The following CAPZB variants were observed in gnomAD, a reference collection of about 807,000 sequenced individuals.
The protein encoded by CAPZB is capping actin protein of muscle Z-line subunit beta.
A neutral mutation model predicts 38.1 loss-of-function variants in CAPZB; 2 were observed. The observed-to-expected ratio is 0.05, with a 90% CI of 0.02 to 0.17. The LOEUF is 0.17. CAPZB is among the 10% of genes least tolerant of loss of function. CAPZB has a pLI of 1.00. For synonymous variants in CAPZB, 107 were observed against 127.4 expected (o/e 0.84, Z 1.08); for missense variants, 161 against 334.2 (o/e 0.48, Z 4.04).
intron 1 of CAPZB, among the ~76,000 whole-genome samples, chr1:19,439,850 C>T (rs1213550214): frequency 6.6e-6 from 1 of 152,230 alleles, no homozygotes; most frequent in Non-Finnish European, 1.5e-5. Context: ...CTCTTATTCC[C>T]GTGAGAGCAA....
intron 1 of CAPZB, among the ~76,000 whole-genome samples, chr1:19,426,382 G>C (rs891084503): frequency 6.6e-6 from 1 of 151,644 alleles, no homozygotes; most frequent in Admixed American, 6.6e-5. Flanking sequence ...ATAACAAGCA[G>C]TCCCATCCCA....
chr1:19,414,024 C>T (rs1282431953), intron 2 of CAPZB, among the ~76,000 whole-genome samples: 1 of 152,200 alleles, frequency 6.6e-6, no homozygotes, highest in Non-Finnish European at 1.5e-5. Context: ...TAGTATCATC[C>T]TTAACGTCAC....
chr1:19,454,034 A>G (rs1270535575), intron 1 of CAPZB, among the ~76,000 whole-genome samples: 4 of 152,186 alleles, frequency 2.6e-5, no homozygotes, highest in Non-Finnish European at 5.9e-5. Flanking sequence ...CTGGAGTTGT[A>G]GAAGGCTACA....
At chr1:19,480,455 A>G (rs1297625243) in intron 1 of CAPZB, among the ~76,000 whole-genome samples, 6 of 152,208 alleles carry the variant, frequency 3.9e-5, no homozygotes, top group Non-Finnish European at 8.8e-5. Context: ...TGCAGAGACC[A>G]TGTTCTGTGG....
chr1:19,361,927 C>T (rs1022876268), intron 4 of CAPZB, among the ~76,000 whole-genome samples: 5 of 152,192 alleles, frequency 3.3e-5, no homozygotes, highest in South Asian at 2.1e-4. Context: ...CCATCGCCAG[C>T]GACTCACTCT....
chr1:19,442,216 G>C (rs2094479784), intron 1 of CAPZB, among the ~76,000 whole-genome samples: 1 of 152,034 alleles, frequency 6.6e-6, no homozygotes, highest in African/African-American at 2.4e-5. Context: ...AAAAACAAAA[G>C]TCAGTGCTTA....
intron 8 of CAPZB, chr1:19,343,011 G>C (rs978555181): frequency 3.0e-6 from 2 of 658,162 alleles, no homozygotes; most frequent in African/African-American, 3.6e-5. Context: ...GTGTGGAGTG[G>C]TATCGCCGCT....
chr1:19,447,145 C>T (rs2094498787), intron 1 of CAPZB, among the ~76,000 whole-genome samples: 1 of 152,088 alleles, frequency 6.6e-6, no homozygotes. Context: ...CTCTCTCTTT[C>T]TTCTATCATC....
At chr1:19,457,690 T>C (rs1479822294) in intron 1 of CAPZB, among the ~76,000 whole-genome samples, 1 of 152,206 alleles carries the variant, frequency 6.6e-6, no homozygotes, top group African/African-American at 2.4e-5. Context: ...ATGCTCACAC[T>C]GCGGACGGTG....
At chr1:19,429,040 C>G (rs1425974414) in intron 1 of CAPZB, among the ~76,000 whole-genome samples, 3 of 152,194 alleles carry the variant, frequency 2.0e-5, no homozygotes, top group Non-Finnish European at 4.4e-5. Context: ...GTATTACCTG[C>G]TCTACATTTT....
At chr1:19,460,116 CA>C (rs1439259272) in intron 1 of CAPZB, among the ~76,000 whole-genome samples, 12 of 152,142 alleles carry the variant, frequency 7.9e-5, no homozygotes, top group Admixed American at 7.2e-4. Context: ...ACAGTAAGAA[CA>C]AACCTTCTAT....
chr1:19,483,339 T>C (rs1048533748), intron 1 of CAPZB, among the ~76,000 whole-genome samples: 1 of 152,240 alleles, frequency 6.6e-6, no homozygotes, highest in African/African-American at 2.4e-5. Context: ...CCAGATGGGC[T>C]TCCACTGACC....
chr1:19,401,429 GGAAA>G (rs1319852772), intron 2 of CAPZB, among the ~76,000 whole-genome samples: 1 of 152,218 alleles, frequency 6.6e-6, no homozygotes, highest in Non-Finnish European at 1.5e-5. Flanking sequence ...TCTCCGGAAT[GGAAA>G]GAATGTGGAA....
chr1:19,477,038 T>C (rs1371871789), intron 1 of CAPZB, among the ~76,000 whole-genome samples: 1 of 152,224 alleles, frequency 6.6e-6, no homozygotes, highest in Non-Finnish European at 1.5e-5. Flanking sequence ...GGTTTCCTTA[T>C]CTGCAAAATG....
intron 1 of CAPZB, chr1:19,448,697 G>T (rs938001878): frequency 2.6e-6 from 3 of 1,140,236 alleles, no homozygotes; most frequent in African/African-American, 3.1e-5. Flanking sequence ...ACATTTCCTG[G>T]GGGTAGACTG....
At position 19,359,070 on chromosome 1, in the gene CAPZB, C is replaced by A. The variant is rs560064562; in HGVS notation, c.330-1507G>T. Among the ~76,000 whole-genome samples, 188 of 152,294 alleles carry A rather than the reference C, an allele frequency of 1.2e-3. 1 individual carries two copies. The highest frequency in any genetic ancestry group is 4.3e-3 in the African/African-American group (179 of 41,580). ...GACAAAAACAATTAGGAAAAGTAGA[C>A]ACCTGCCAAACGGTTAATGTAAAAT... On this transcript the variant is annotated intron_variant, in intron 4 of 8. Transcript: ENST00000264202.
intron 2 of CAPZB, among the ~76,000 whole-genome samples, chr1:19,398,380 G>A (rs72651496): frequency 0.19 from 28,696 of 152,168 alleles, 3,253 homozygotes; most frequent in South Asian, 0.3. Context: ...TGAGTCAGAG[G>A]GCGGAGGTCT....
At chr1:19,451,564 T>C (rs1413135113) in intron 1 of CAPZB, among the ~76,000 whole-genome samples, 4 of 152,064 alleles carry the variant, frequency 2.6e-5, no homozygotes, top group African/African-American at 4.8e-5. Flanking sequence ...CCCACCTTAG[T>C]GATCTGACCC....
At chr1:19,372,381 T>C (rs2094123786) in intron 4 of CAPZB, among the ~76,000 whole-genome samples, 1 of 152,216 alleles carries the variant, frequency 6.6e-6, no homozygotes, top group Admixed American at 6.5e-5. Context: ...AAGAAGGCAG[T>C]GCCAGCCCTT....
Sources: gnomAD v4.1 joint callset for allele counts (sites outside exome capture counted in the v4.1 genomes callset) on GRCh38, gnomAD v4.1.1 for gene constraint, MANE v1.5 for transcripts, NCBI Gene and HGNC (gene_info 2026-07-23, HGNC 2026-07-21) for gene names.